Variants in MAN2A1 observed in about 807,000 individuals in gnomAD.
The protein encoded by MAN2A1 is alpha-mannosidase 2.
Under a neutral mutation model 142.6 loss-of-function variants are expected in MAN2A1, and 76 were observed. The observed-to-expected ratio is 0.53, with a 90% CI of 0.44 to 0.65. MAN2A1 has a LOEUF of 0.65. Among genes scored for constraint, MAN2A1 ranks in the 30% least tolerant of loss-of-function variants. MAN2A1 has a pLI of 0.00. For missense variants in MAN2A1, 1,311 were observed against 1,365.1 expected (o/e 0.96, Z 0.62); for synonymous variants, 559 against 473.2 (o/e 1.18, Z -2.35).
At position 109,852,585 on chromosome 5, in the gene MAN2A1, TG is replaced by T. The variant is rs550062427; in HGVS notation, c.2977-2553del. ...CAGTGAGGAAGAGCTGTACTTTGTG[TG>T]GTTTGGATCAGAAGGTGCTAGAAAC... On this transcript the variant is annotated intron_variant, in intron 19 of 21. Transcript: ENST00000261483. 2.6e-4 allele frequency among the ~76,000 whole-genome samples: 40 copies of T among 152,308 alleles called. 1 individual carries two copies. The South Asian group carries it at 7.3e-3, about 28-fold the overall frequency.
chr5:109,701,147 A>G (rs1422486833), intron 1 of MAN2A1, among the ~76,000 whole-genome samples: 1 of 152,224 alleles, frequency 6.6e-6, no homozygotes, highest in African/African-American at 2.4e-5. Context: ...ACAAGAGTCA[A>G]TGATATTATT....
At chr5:109,761,249 A>G (rs747147960) in intron 5 of MAN2A1, among the ~76,000 whole-genome samples, 5 of 151,784 alleles carry the variant, frequency 3.3e-5, no homozygotes, top group Non-Finnish European at 7.4e-5. Context: ...ATTTTATTGC[A>G]TAGATAACAT....
At position 109,868,992 on chromosome 5, in the gene MAN2A1, G is replaced by A. The variant is rs376991098; in HGVS notation, c.*1994G>A. The A allele has an allele frequency of 6.6e-6, 1 of 152,160 alleles. No homozygotes were observed. The highest frequency in any genetic ancestry group is 2.4e-5 in the African/African-American group (1 of 41,434). 9.4% of individuals were successfully genotyped at this position (152,160 alleles called of 1,614,324 possible). A position where few individuals can be genotyped will look rare whatever the true frequency, so the allele number is the denominator to read the frequency against. On this transcript the variant is annotated 3_prime_UTR_variant, in exon 22 of 22. Coordinates refer to ENST00000261483, the MANE Select transcript of MAN2A1 (RefSeq NM_002372.4). The stretch of plus-strand genomic sequence containing the variant: ...GGTTTTGCCACTTCTGGTTGTTTGC[G>A]ATGGATCTGTCCCATGTCAGTCTGG...
intron 16 of MAN2A1, among the ~76,000 whole-genome samples, chr5:109,832,626 C>T (rs1397084552): frequency 6.6e-6 from 1 of 152,200 alleles, no homozygotes. Flanking sequence ...CCCACACGTC[C>T]CCCCCTTCCA....
chr5:109,850,716 A>T (rs1195853922), intron 19 of MAN2A1, among the ~76,000 whole-genome samples: 1 of 152,178 alleles, frequency 6.6e-6, no homozygotes, highest in Non-Finnish European at 1.5e-5. Flanking sequence ...TTTTCACATC[A>T]AATCTATAAA....
At chr5:109,814,420 T>C (rs1321796333) in intron 12 of MAN2A1, among the ~76,000 whole-genome samples, 2 of 152,178 alleles carry the variant, frequency 1.3e-5, no homozygotes, top group Non-Finnish European at 2.9e-5. Context: ...GAAATATCTA[T>C]ATATGATCAT....
intron 20 of MAN2A1, among the ~76,000 whole-genome samples, chr5:109,861,150 C>T (rs1285441318): frequency 6.6e-6 from 1 of 152,138 alleles, no homozygotes; most frequent in Non-Finnish European, 1.5e-5. Flanking sequence ...GAGTGTCAGG[C>T]TACTCCTTAG....
chr5:109,770,939 A>G (rs2112651626), intron 7 of MAN2A1, among the ~76,000 whole-genome samples: 1 of 152,358 alleles, frequency 6.6e-6, no homozygotes, highest in African/African-American at 2.4e-5. Flanking sequence ...AATGGAGCAC[A>G]TAAAGAGTGT....
chr5:109,702,315 TTGTGTGTGTGTGTGTGTG>T (rs34048618), intron 1 of MAN2A1, among the ~76,000 whole-genome samples: 2 of 144,142 alleles, frequency 1.4e-5, no homozygotes, highest in African/African-American at 2.6e-5. Flanking sequence ...AGAACATAAA[TTGTGTGTGTGTGTGTGTG>T]TGTGTGTGTG....
chr5:109,692,189 A>G (rs1015493203), intron 1 of MAN2A1, among the ~76,000 whole-genome samples: 8 of 152,176 alleles, frequency 5.3e-5, no homozygotes, highest in Admixed American at 5.2e-4. Context: ...AGTTACTGAG[A>G]AATCTTAGGC....
At chr5:109,735,555 G>C (rs942788087) in intron 4 of MAN2A1, among the ~76,000 whole-genome samples, 1 of 152,046 alleles carries the variant, frequency 6.6e-6, no homozygotes, top group African/African-American at 2.4e-5. Context: ...GGAGCCCACT[G>C]TCTGGCACTC....
In MAN2A1 at chr5:109,778,851, T is replaced by C. The variant is rs369470672; in HGVS notation, c.1375-2545T>C. Among the ~76,000 whole-genome samples, 14 of 152,230 alleles carry C rather than the reference T, an allele frequency of 9.2e-5. 1 individual carries two copies. The highest frequency in any genetic ancestry group is 2.6e-4 in the Admixed American group (4 of 15,290). On this transcript the variant is annotated intron_variant, in intron 8 of 21. Transcript: ENST00000261483. ...AATTTAATATTTTCTTTTAATGAAC[T>C]GGAGAACAAAAGTAAATAACTGAGT...
At chr5:109,744,392 T>C (rs1446479320) in intron 4 of MAN2A1, among the ~76,000 whole-genome samples, 1 of 152,088 alleles carries the variant, frequency 6.6e-6, no homozygotes, top group African/African-American at 2.4e-5. Context: ...GAAGGAATTT[T>C]AGGTTGTGAG....
intron 12 of MAN2A1, 61 bp from the exon 13 acceptor site, chr5:109,817,212 A>G: frequency 7.1e-7 from 1 of 1,410,996 alleles, no homozygotes; most frequent in Admixed American, 1.7e-5. Context: ...CTACATGTAT[A>G]TGTATATGTA....
chr5:109,758,796 TA>T (rs966830712), intron 5 of MAN2A1, among the ~76,000 whole-genome samples: 46 of 151,650 alleles, frequency 3.0e-4, no homozygotes, highest in African/African-American at 1.0e-3. Context: ...GTTTCATATT[TA>T]TTTTTTTTGC....
intron 6 of MAN2A1, among the ~76,000 whole-genome samples, chr5:109,768,683 C>G (rs1017668853): frequency 6.6e-6 from 1 of 152,002 alleles, no homozygotes; most frequent in African/African-American, 2.4e-5. Context: ...AAATTTAGAC[C>G]GTAACTTTCT....
intron 3 of MAN2A1, among the ~76,000 whole-genome samples, chr5:109,718,678 A>G (rs1012011037): frequency 6.6e-6 from 1 of 152,152 alleles, no homozygotes; most frequent in Admixed American, 6.5e-5. Context: ...CTCATACTGC[A>G]CACACACGCC....
At chr5:109,809,229 A>G (rs1435171261) in intron 12 of MAN2A1, among the ~76,000 whole-genome samples, 1 of 152,084 alleles carries the variant, frequency 6.6e-6, no homozygotes, top group Non-Finnish European at 1.5e-5. Flanking sequence ...GATGATTTTA[A>G]TATTCTTTTA....
chr5:109,690,885 C>T (rs539073382), intron 1 of MAN2A1, among the ~76,000 whole-genome samples: 54 of 152,186 alleles, frequency 3.5e-4, no homozygotes, highest in African/African-American at 1.2e-3. Context: ...AGGCACCCCC[C>T]GCCAGCCCGG....
Sources: allele counts gnomAD v4.1 joint callset (sites outside exome capture counted in the v4.1 genomes callset), GRCh38; gene constraint gnomAD v4.1.1; transcripts MANE v1.5; gene names NCBI Gene and HGNC (gene_info 2026-07-23, HGNC 2026-07-21).